Variants in SOX5 observed in about 807,000 individuals in gnomAD.
SOX5 encodes SRY-box transcription factor 5.
Under a neutral mutation model 92.0 loss-of-function variants are expected in SOX5, and 9 were observed. The ratio of observed to expected loss-of-function variants is 0.10; its 90% CI spans 0.06 to 0.17. SOX5 has a LOEUF of 0.17. Among genes scored for constraint, SOX5 ranks in the 10% least tolerant of loss-of-function variants. The probability of loss-of-function intolerance (pLI) is 1.00; values close to 1 mark genes in which losing one functional copy is unlikely to be tolerated. For synonymous variants in SOX5, 344 were observed against 336.3 expected (o/e 1.02, Z -0.25); for missense variants, 642 against 944.5 (o/e 0.68, Z 4.20).
At chr12:24,505,852 T>TGTGTGTGC (rs1252814448) in intron 1 of SOX5, among the ~76,000 whole-genome samples, 10 of 146,326 alleles carry the variant, frequency 6.8e-5, no homozygotes, top group African/African-American at 2.0e-4. Flanking sequence ...TGTGTGTGTG[T>TGTGTGTGC]GCGTGTGTGT....
rs1843536456 is a variant in SOX5 at position 23,531,123 on chromosome 12, C to G, written c.*3096G>C. Reference sequence around the variant, plus strand: ...CAAAGCACTTTCAACATTAATATAACTATTTTTGCTTTTGTTTTCTTTTGG... The same window carrying G: ...CAAAGCACTTTCAACATTAATATAAGTATTTTTGCTTTTGTTTTCTTTTGG... On this transcript the variant is annotated 3_prime_UTR_variant, in exon 15 of 15. Coordinates refer to ENST00000451604, the MANE Select transcript of SOX5 (RefSeq NM_006940.6). 1 of 152,062 alleles carries G rather than the reference C, an allele frequency of 6.6e-6. No individual in the cohort carries two copies. 9.4% of individuals were successfully genotyped at this position (152,062 alleles called of 1,614,324 possible).
intron 2 of SOX5, among the ~76,000 whole-genome samples, chr12:23,860,952 T>TAAAAAAAAAAAAAAAAAAAAAA (rs71059935): frequency 2.2e-5 from 1 of 45,942 alleles, no homozygotes. Flanking sequence ...GTATATTTTG[T>TAAAAAAAAAAAAAAAAAAAAAA]AAAAAAAAAA....
At chr12:24,544,926 T>C (rs1248228701) in intron 1 of SOX5, among the ~76,000 whole-genome samples, 1 of 152,228 alleles carries the variant, frequency 6.6e-6, no homozygotes, top group Non-Finnish European at 1.5e-5. Context: ...TCTAATTACG[T>C]TTCTGATTTT....
chr12:24,399,475 A>G (rs1409882179), intron 1 of SOX5, among the ~76,000 whole-genome samples: 1 of 152,246 alleles, frequency 6.6e-6, no homozygotes, highest in Non-Finnish European at 1.5e-5. Flanking sequence ...AATATAAAAG[A>G]AAGAGTATTT....
intron 4 of SOX5, among the ~76,000 whole-genome samples, chr12:24,123,509 A>G (rs1948821331): frequency 6.6e-6 from 1 of 152,166 alleles, no homozygotes; most frequent in African/African-American, 2.4e-5. Context: ...CCTTCATTAA[A>G]GCTTACTTAC....
intron 6 of SOX5, among the ~76,000 whole-genome samples, chr12:23,695,477 G>A (rs2089647561): frequency 6.6e-6 from 1 of 152,146 alleles, no homozygotes; most frequent in African/African-American, 2.4e-5. Context: ...TCTAATCCTA[G>A]TTTGCTGAGA....
chr12:24,266,438 T>C (rs927643947), intron 3 of SOX5, among the ~76,000 whole-genome samples: 3 of 152,182 alleles, frequency 2.0e-5, no homozygotes, highest in Non-Finnish European at 4.4e-5. Flanking sequence ...GTAACACAAT[T>C]GACACAACTG....
intron 6 of SOX5, among the ~76,000 whole-genome samples, chr12:23,695,088 C>T (rs2089572300): frequency 1.4e-5 from 2 of 148,008 alleles, no homozygotes; most frequent in South Asian, 4.3e-4. Flanking sequence ...TCACTCTACT[C>T]CAGCTTGGGT....
intron 4 of SOX5, among the ~76,000 whole-genome samples, chr12:24,095,388 C>T (rs528510687): frequency 5.9e-5 from 9 of 151,532 alleles, no homozygotes; most frequent in African/African-American, 7.3e-5. Flanking sequence ...ATACAAAGTT[C>T]GGGGAAGTTT....
chr12:24,249,518 C>T (rs1052253646), intron 3 of SOX5, among the ~76,000 whole-genome samples: 2 of 152,186 alleles, frequency 1.3e-5, no homozygotes, highest in Non-Finnish European at 2.9e-5. Flanking sequence ...CAGACAGCAG[C>T]CTGTAATTTT....
At chr12:23,555,967 G>A (rs1451102868) in intron 11 of SOX5, among the ~76,000 whole-genome samples, 1 of 152,206 alleles carries the variant, frequency 6.6e-6, no homozygotes, top group Non-Finnish European at 1.5e-5. Context: ...GCATCAGCCT[G>A]TCGAGAATGT....
chr12:23,971,165 C>T (rs1948288561), intron 4 of SOX5, among the ~76,000 whole-genome samples: 1 of 119,646 alleles, frequency 8.4e-6, no homozygotes, highest in Admixed American at 1.1e-4. Flanking sequence ...CTCTGTCGCC[C>T]AGGCTGGAAT....
At chr12:24,268,978 T>G (rs1322058037) in intron 3 of SOX5, among the ~76,000 whole-genome samples, 1 of 152,202 alleles carries the variant, frequency 6.6e-6, no homozygotes, top group Non-Finnish European at 1.5e-5. Context: ...TGTTGCACAA[T>G]TTAGATGATA....
intron 8 of SOX5, among the ~76,000 whole-genome samples, chr12:23,634,938 A>G (rs1456182100): frequency 6.6e-6 from 1 of 152,180 alleles, no homozygotes; most frequent in Admixed American, 6.5e-5. Context: ...CTCATTCTTT[A>G]TTTAACACAT....
intron 1 of SOX5, among the ~76,000 whole-genome samples, chr12:24,390,680 T>C (rs1231858151): frequency 3.3e-5 from 5 of 152,192 alleles, no homozygotes; most frequent in African/African-American, 1.2e-4. Context: ...TATGTGACTT[T>C]CTCTTTGAAT....
intron 3 of SOX5, among the ~76,000 whole-genome samples, chr12:23,780,614 G>A (rs1179239493): frequency 6.6e-6 from 1 of 151,972 alleles, no homozygotes; most frequent in Admixed American, 6.6e-5. Flanking sequence ...TAGAACAAGA[G>A]TACAAAAATG....
At chr12:24,085,948 G>A (rs1365251920) in intron 4 of SOX5, among the ~76,000 whole-genome samples, 3 of 138,624 alleles carry the variant, frequency 2.2e-5, no homozygotes, top group Admixed American at 1.5e-4. Context: ...AGACAAGAAC[G>A]GATATGCTAA....
chr12:23,687,998 G>C (rs1481154627), intron 6 of SOX5, among the ~76,000 whole-genome samples: 1 of 151,578 alleles, frequency 6.6e-6, no homozygotes, highest in African/African-American at 2.4e-5. Context: ...GGTTCCATCT[G>C]TGCTTCCCAT....
intron 1 of SOX5, among the ~76,000 whole-genome samples, chr12:24,480,715 T>C (rs555518742): frequency 6.6e-6 from 1 of 151,808 alleles, no homozygotes; most frequent in Non-Finnish European, 1.5e-5. Context: ...TGAGATATCA[T>C]CTTACCCCAG....
Sources: allele counts gnomAD v4.1 joint callset (sites outside exome capture counted in the v4.1 genomes callset), GRCh38; gene constraint gnomAD v4.1.1; transcripts MANE v1.5; gene names NCBI Gene and HGNC (gene_info 2026-07-23, HGNC 2026-07-21).